The following ZNF426 variants were observed in gnomAD, a reference collection of about 807,000 sequenced individuals.
ZNF426 encodes the protein CTC-543D15.7.
ZNF426 carries 23 observed loss-of-function variants against 24.0 expected under a neutral mutation model. The observed-to-expected ratio is 0.96, with a 90% CI of 0.69 to 1.36. The LOEUF is 1.36. ZNF426 is among the 40% of genes most tolerant of loss of function. ZNF426 has a pLI of 0.00. For missense variants in ZNF426, 646 were observed against 658.4 expected (o/e 0.98, Z 0.21); for synonymous variants, 272 against 224.6 (o/e 1.21, Z -1.89).
In ZNF426 at chr19:9,525,117, C is replaced by T. The variant is rs992479098; in HGVS notation, c.*3263G>A. 14 of 150,982 alleles carry T rather than the reference C, an allele frequency of 9.3e-5. No homozygotes were observed. The highest frequency in any genetic ancestry group is 1.7e-4 in the African/African-American group (7 of 41,110). 9.4% of individuals were successfully genotyped at this position (150,982 alleles called of 1,614,324 possible). On this transcript the variant is annotated 3_prime_UTR_variant, in exon 8 of 8. Transcript: ENST00000253115. The stretch of plus-strand genomic sequence containing the variant: ...ACAAAAAATTAGCCGGGCGTGGTAG[C>T]GGGCGCCTGTAGTCCCAGCTACTCG...
At chr19:9,534,909 A>G (rs895227609) in intron 4 of ZNF426, among the ~76,000 whole-genome samples, 3 of 152,008 alleles carry the variant, frequency 2.0e-5, no homozygotes, top group Non-Finnish European at 4.4e-5. Flanking sequence ...ATGATTTCCA[A>G]GTTAGCACCT....
rs1188235689 is a variant in ZNF426 at position 9,525,476 on chromosome 19, T to C, written c.*2904A>G. On this transcript the variant is annotated 3_prime_UTR_variant, in exon 8 of 8. Transcript: ENST00000253115. ...AAAGGCTGAGCATTGATGATGGGTT[T>C]TTGTTGTTGTTGTTGTTGTTGTTGT... 1 of 151,734 alleles carries C rather than the reference T, an allele frequency of 6.6e-6. No individual in the cohort carries two copies. The highest frequency in any genetic ancestry group is 1.5e-5 in the Non-Finnish European group (1 of 68,232). The allele number at this position is 151,734 out of a possible 1,614,324, so 9.4% of individuals were successfully genotyped here. A position where few individuals can be genotyped will look rare whatever the true frequency, so the allele number is the denominator to read the frequency against.
rs374330822 is a variant in ZNF426 at position 9,533,948 on chromosome 19, C to G, written c.136G>C (p.Asp46His). The change falls in exon 5 of 8, where the codon GAT becomes CAT. Residue 46 changes from aspartate (D) to histidine (H), a missense_variant. Asp to His is a moderately conservative substitution (Grantham distance 81). Coordinates refer to ENST00000253115, the MANE Select transcript of ZNF426 (RefSeq NM_024106.3). ...DCYQDSVTFD[D>H]VAVDFTQEEW... is the part of the protein sequence containing the mutation. ...TCCTGGGTGAAGTCCACAGCCACAT[C>G]GTCAAAGGTCACTGAATCCTAAAGC... The G allele has an allele frequency of 6.2e-7, 1 of 1,613,624 alleles. No individual in the cohort carries two copies. The highest frequency in any genetic ancestry group is 8.5e-7 in the Non-Finnish European group (1 of 1,179,810).
At chr19:9,538,081 A>C (rs2073995487) in intron 2 of ZNF426, among the ~76,000 whole-genome samples, 178 bp downstream of exon 2, 1 of 152,222 alleles carries the variant, frequency 6.6e-6, no homozygotes, top group Non-Finnish European at 1.5e-5. Flanking sequence ...TTATATTCAC[A>C]TACACAAATA....
chr19:9,532,762 G>A, intron 6 of ZNF426, 83 bp downstream of exon 6: 1 of 1,001,818 alleles, frequency 1.0e-6, no homozygotes, highest in Non-Finnish European at 1.6e-6. Flanking sequence ...CAGGGAGAAA[G>A]TACATGTTAA....
chr19:9,533,075 A>G (rs1472188675), intron 5 of ZNF426, 150 bp from the exon 6 acceptor site: 1 of 667,106 alleles, frequency 1.5e-6, no homozygotes, highest in Non-Finnish European at 2.6e-6. Context: ...TGCCCCAAAC[A>G]GTCTGGTTAC....
rs1274871155 is a variant in ZNF426 at position 9,528,520 on chromosome 19, A to T, written c.1525T>A (p.Cys509Ser). Residue 509 changes from cysteine to serine, a missense_variant, in exon 8 of 8, where the codon TGT (cysteine) becomes AGT (serine). Cys to Ser is a moderately radical substitution (Grantham distance 112, BLOSUM62 -1). Transcript: ENST00000253115. ...CTGGAACACGTGAAGGCTTTCCCAC[A>T]CTCCTTGCATTCATAGGGTTTCTCT... ...TGEKPYECKE[C>S]GKAFTCSSSF... 6.2e-7 allele frequency: 1 copy of T among 1,613,818 alleles called. No homozygotes were observed. The highest frequency in any genetic ancestry group is 1.3e-5 in the African/African-American group (1 of 74,816).
At chr19:9,532,473 T>C (rs986053431) in intron 6 of ZNF426, among the ~76,000 whole-genome samples, 2 of 151,766 alleles carry the variant, frequency 1.3e-5, no homozygotes, top group Admixed American at 6.6e-5. Context: ...ATTTTTGTAT[T>C]TTTTGTAGAA....
At chr19:9,533,467 C>T (rs2073918497) in intron 5 of ZNF426, among the ~76,000 whole-genome samples, 1 of 152,044 alleles carries the variant, frequency 6.6e-6, no homozygotes, top group African/African-American at 2.4e-5. Flanking sequence ...ACAAGAACAA[C>T]AACAAATAAG....
chr19:9,535,509 G>A (rs909282836), intron 3 of ZNF426, among the ~76,000 whole-genome samples: 1 of 151,994 alleles, frequency 6.6e-6, no homozygotes, highest in African/African-American at 2.4e-5. Flanking sequence ...GCAACACGGT[G>A]AGACCCCGTC....
Position 9,529,193 on chromosome 19 carries a change from T to C in ZNF426, c.852A>G (p.Glu284=). 1 of 1,614,244 alleles carries C rather than the reference T, an allele frequency of 6.2e-7. No homozygotes were observed. Among genetic ancestry groups the C allele is most frequent in the Non-Finnish European group, 8.5e-7 (1 of 1,180,042 alleles). Residue 284 remains glutamate, a synonymous_variant, in exon 8 of 8, where the codon GAA becomes GAG. Coordinates refer to ENST00000253115, the MANE Select transcript of ZNF426 (RefSeq NM_024106.3). The stretch of plus-strand genomic sequence containing the variant: ...CTGGGTATCTATAGCCTTTTCCACA[T>C]TCCTTACATTTGTAGGGCTTTTTTG... ...LNAKKPYKCK[E]CGKGYRYPAY... is the part of the protein sequence containing the mutation.
chr19:9,535,109 C>A (rs2073945512), intron 4 of ZNF426, 79 bp downstream of exon 4: 53 of 868,308 alleles, frequency 6.1e-5, no homozygotes, highest in Non-Finnish European at 7.2e-5. Flanking sequence ...AGTCTGGAGA[C>A]AACTCTGCCT....
At position 9,528,285 on chromosome 19, in the gene ZNF426, C is replaced by A. The variant is rs867757655; in HGVS notation, c.*95G>T. 5.5e-6 allele frequency: 7 copies of A among 1,283,072 alleles called. No individual in the cohort carries two copies. The Middle Eastern group carries it at 1.2e-3, about 214-fold the overall frequency. 79.5% of individuals were successfully genotyped at this position (1,283,072 alleles called of 1,614,324 possible). On this transcript the variant is annotated 3_prime_UTR_variant, in exon 8 of 8. Coordinates refer to ENST00000253115, the MANE Select transcript of ZNF426 (RefSeq NM_024106.3). Reference sequence around the variant, plus strand: ...TTACAGGAATTAAGTAATTTTCATGCAGCTTCTTCTCTCCAGAGTGAGTTC... The same window carrying A: ...TTACAGGAATTAAGTAATTTTCATGAAGCTTCTTCTCTCCAGAGTGAGTTC...
At chr19:9,529,907 G>A (rs1568483584) in intron 7 of ZNF426, among the ~76,000 whole-genome samples, 1 of 151,916 alleles carries the variant, frequency 6.6e-6, no homozygotes, top group Non-Finnish European at 1.5e-5. Context: ...GATCACCTGA[G>A]GTCAGGAGTT....
rs374731511 is a variant in ZNF426 at position 9,528,430 on chromosome 19, T to C, written c.1615A>G (p.Lys539Glu). Residue 539 changes from lysine (K) to glutamate (E), a missense_variant, in exon 8 of 8, where the codon AAA becomes GAA. Lys to Glu is a moderately conservative substitution (Grantham distance 56). Transcript: ENST00000253115. ...AGTGAACGGGGATGACTGTAAGCTT[T>C]CCCGCATTGCTGACATTTATAGGGT... is the stretch of plus-strand genomic sequence containing the variant. Reference protein sequence around the residue: ...EKPYKCQQCGKAYSHPRSLRR... With the variant: ...EKPYKCQQCGEAYSHPRSLRR... 1 of 1,611,258 alleles carries C rather than the reference T, an allele frequency of 6.2e-7. No individual in the cohort carries two copies. The highest frequency in any genetic ancestry group is 1.3e-5 in the African/African-American group (1 of 74,704).
At position 9,528,736 on chromosome 19, in the gene ZNF426, T is replaced by A; in HGVS notation, c.1309A>T (p.Asn437Tyr). 6.2e-7 allele frequency: 1 copy of A among 1,614,168 alleles called. No individual in the cohort carries two copies. Among genetic ancestry groups the A allele is most frequent in the Non-Finnish European group, 8.5e-7 (1 of 1,180,008 alleles). ...TGGGCACTGTGCGTTCGCATGTGAT[T>A]ATTAAGACATGAGGGATACCCAAAT... ...KVFGYPSCLNNHMRTHSAQKP... is the reference protein window; with the variant it reads ...KVFGYPSCLNYHMRTHSAQKP... Residue 437 changes from asparagine (N) to tyrosine (Y), a missense_variant, in exon 8 of 8, where the codon AAT becomes TAT. Asn to Tyr is a moderately radical substitution (Grantham distance 143, BLOSUM62 -2). Transcript: ENST00000253115.
chr19:9,536,396 C>A, intron 2 of ZNF426, 40 bp from the exon 3 acceptor site: 1 of 1,521,628 alleles, frequency 6.6e-7, no homozygotes. Flanking sequence ...AGTACTTAAT[C>A]ATCAGCCATC....
rs1197402116 is a variant in ZNF426 at position 9,528,426 on chromosome 19, G to C, written c.1619C>G (p.Ala540Gly). 1.2e-6 allele frequency: 2 copies of C among 1,610,434 alleles called. No individual in the cohort carries two copies. The highest frequency in any genetic ancestry group is 1.1e-5 in the South Asian group (1 of 90,476). ...KPYKCQQCGK[A>G]YSHPRSLRRH... ...TCGAAGTGAACGGGGATGACTGTAA[G>C]CTTTCCCGCATTGCTGACATTTATA... Residue 540 changes from alanine to glycine, a missense_variant, in exon 8 of 8, where the codon GCT (alanine) becomes GGT (glycine). Transcript: ENST00000253115.
chr19:9,531,852 G>A (rs2144771541), intron 6 of ZNF426, among the ~76,000 whole-genome samples: 1 of 152,256 alleles, frequency 6.6e-6, no homozygotes, highest in African/African-American at 2.4e-5. Flanking sequence ...AGGCATGGTG[G>A]CAGGCACCTG....
Sources: gnomAD v4.1 joint callset for allele counts (sites outside exome capture counted in the v4.1 genomes callset) on GRCh38, gnomAD v4.1.1 for gene constraint, MANE v1.5 for transcripts, NCBI Gene and HGNC (gene_info 2026-07-23, HGNC 2026-07-21) for gene names.